RYR2: variants seen among roughly 807,000 people sequenced by gnomAD.
RYR2 encodes the protein ryanodine receptor 2, also known as cardiac muscle ryanodine receptor-calcium release channel.
Under a neutral mutation model 601.1 loss-of-function variants are expected in RYR2, and 227 were observed. That is an observed-to-expected ratio of 0.38 (90% CI 0.34 to 0.42). The LOEUF (loss-of-function observed/expected upper bound fraction) is 0.42. Among genes scored for constraint, RYR2 ranks in the 10% least tolerant of loss-of-function variants. RYR2 has a pLI of 1.00. For missense variants in RYR2, 4,646 were observed against 6,156.5 expected, an observed-to-expected ratio of 0.75 and a Z score of 8.21; for synonymous variants, 2,223 against 2,175.1, an observed-to-expected ratio of 1.02 and a Z score of -0.61.
intron 73 of RYR2, among the ~76,000 whole-genome samples, chr1:237,719,922 T>C (rs1242014757): frequency 3.3e-5 from 5 of 152,190 alleles, no homozygotes; most frequent in Non-Finnish European, 7.3e-5. Context: ...ACTATATCAA[T>C]AGGCTATATC....
At chr1:237,329,600 C>T (rs1572622814) in intron 2 of RYR2, among the ~76,000 whole-genome samples, 2 of 151,446 alleles carry the variant, frequency 1.3e-5, no homozygotes, top group East Asian at 3.9e-4. Flanking sequence ...CGAGATCGCA[C>T]CATCGCACTC....
chr1:237,362,138 G>A (rs1459058317), intron 4 of RYR2, among the ~76,000 whole-genome samples: 1 of 152,130 alleles, frequency 6.6e-6, no homozygotes. Context: ...TGTCAATTCC[G>A]GATTAATCTA....
At chr1:237,366,188 T>C (rs1326159008) in intron 5 of RYR2, among the ~76,000 whole-genome samples, 2 of 152,216 alleles carry the variant, frequency 1.3e-5, no homozygotes, top group African/African-American at 4.8e-5. Context: ...TTCTGCTGGT[T>C]GGTGCTAAAC....
chr1:237,694,069 C>T (rs1199113602), intron 63 of RYR2, among the ~76,000 whole-genome samples: 2 of 151,568 alleles, frequency 1.3e-5, no homozygotes, highest in Admixed American at 1.3e-4. Context: ...CTGAGGCGGG[C>T]GGATCACAAG....
At chr1:237,742,592 C>T (rs1447003053) in intron 80 of RYR2, among the ~76,000 whole-genome samples, 2 of 151,990 alleles carry the variant, frequency 1.3e-5, no homozygotes, top group African/African-American at 4.8e-5. Flanking sequence ...TCCTGAGAAC[C>T]CTCAGAGATG....
intron 56 of RYR2, among the ~76,000 whole-genome samples, chr1:237,663,981 T>A (rs978958936): frequency 5.9e-5 from 9 of 152,132 alleles, no homozygotes; most frequent in Admixed American, 1.3e-4. Flanking sequence ...ACTGGGTGGG[T>A]TTTGACCCCC....
intron 34 of RYR2, among the ~76,000 whole-genome samples, chr1:237,597,980 G>A (rs1676071495): frequency 1.3e-5 from 2 of 152,130 alleles, no homozygotes; most frequent in Non-Finnish European, 2.9e-5. Flanking sequence ...GTGAAGGGAT[G>A]GAAAAAGATT....
At chr1:237,712,842 A>C (rs1280848355) in intron 71 of RYR2, among the ~76,000 whole-genome samples, 1 of 152,238 alleles carries the variant, frequency 6.6e-6, no homozygotes, top group Non-Finnish European at 1.5e-5. Context: ...ATTCCTGCTA[A>C]ATGAGAAATA....
chr1:237,519,090 A>G (rs1296261416), intron 24 of RYR2, among the ~76,000 whole-genome samples: 2 of 152,116 alleles, frequency 1.3e-5, no homozygotes, highest in Admixed American at 6.5e-5. Context: ...ATGTCTATTC[A>G]TTTCCTTTGC....
chr1:237,053,405 AG>A (rs1338013349), intron 1 of RYR2, among the ~76,000 whole-genome samples: 1 of 152,208 alleles, frequency 6.6e-6, no homozygotes, highest in African/African-American at 2.4e-5. Context: ...GTGACAGGGA[AG>A]GGGCCATCAT....
rs114666746 is a variant in RYR2, at chr1:237,699,288, C to T, written c.9128+263C>T. ...AGGGTTGAACTGGTAATGTATCACG[C>T]AGGAAAAATGGTAATCTGACAACTC... On this transcript the variant is annotated intron_variant, in intron 64 of 104. Coordinates refer to ENST00000366574, the MANE Select transcript of RYR2 (RefSeq NM_001035.3). Among the ~76,000 whole-genome samples the T allele has an allele frequency of 0.014, 2,075 of 152,188 alleles. 12 individuals are homozygous for T. Among genetic ancestry groups the T allele is most frequent in the Non-Finnish European group, 0.02 (1,354 of 67,980 alleles).
chr1:237,115,687 C>T (rs1421072737), intron 1 of RYR2, among the ~76,000 whole-genome samples: 1 of 152,168 alleles, frequency 6.6e-6, no homozygotes, highest in Non-Finnish European at 1.5e-5. Context: ...AAAATAGACG[C>T]GTGAAGGTAT....
intron 24 of RYR2, among the ~76,000 whole-genome samples, chr1:237,520,978 C>G (rs2805429): frequency 0.49 from 74,448 of 151,708 alleles, 18,433 homozygotes; most frequent in East Asian, 0.6. Context: ...CAGAGTTTGC[C>G]ATAAGCCGGG....
chr1:237,492,162 G>A (rs1663425829), intron 18 of RYR2, among the ~76,000 whole-genome samples: 1 of 152,098 alleles, frequency 6.6e-6, no homozygotes, highest in Non-Finnish European at 1.5e-5. Flanking sequence ...CTCTCAAGTA[G>A]CTGGGACTAC....
chr1:237,671,538 T>TGC (rs934537795), intron 58 of RYR2, among the ~76,000 whole-genome samples: 1 of 151,046 alleles, frequency 6.6e-6, no homozygotes, highest in Non-Finnish European at 1.5e-5. Flanking sequence ...TGTGTGTGTG[T>TGC]GCGTGTGAGA....
At chr1:237,454,823 T>C (rs1307295853) in intron 15 of RYR2, among the ~76,000 whole-genome samples, 1 of 152,236 alleles carries the variant, frequency 6.6e-6, no homozygotes, top group Non-Finnish European at 1.5e-5. Context: ...ATTTACTGTC[T>C]GCTCAGCCCT....
At chr1:237,107,938 T>C (rs1414472925) in intron 1 of RYR2, among the ~76,000 whole-genome samples, 1 of 152,194 alleles carries the variant, frequency 6.6e-6, no homozygotes, top group Non-Finnish European at 1.5e-5. Context: ...GAAAAGCCTC[T>C]ACTCCTTTGT....
rs139823479 is a variant in RYR2 at position 237,213,992 on chromosome 1, C to T, written c.49-56505C>T. ...CTGGAGTGCAGTGGTGTGATCTCAG[C>T]TCACAACAACCTCTGCCTCCCAGGT... On this transcript the variant is annotated intron_variant, in intron 1 of 104. Transcript: ENST00000366574. Among the ~76,000 whole-genome samples, 766 of 141,774 alleles carry T rather than the reference C, an allele frequency of 5.4e-3. 7 individuals carry two copies. The highest frequency in any genetic ancestry group is 0.019 in the African/African-American group (709 of 38,314). The allele number at this position is 141,774 out of a possible 152,430, so 93.0% of individuals were successfully genotyped here. A position where few individuals can be genotyped will look rare whatever the true frequency, so the allele number is the denominator to read the frequency against.
Position 237,755,562 on chromosome 1 carries a change from A to C in RYR2, c.11146-726A>C, listed in dbSNP as rs553987630. Among the ~76,000 whole-genome samples, 312 of 152,334 alleles carry C rather than the reference A, an allele frequency of 2.0e-3. 1 individual carries two copies. Among genetic ancestry groups the C allele is most frequent in the Non-Finnish European group, 3.7e-3 (254 of 68,030 alleles). The stretch of plus-strand genomic sequence containing the variant: ...GATTGCTCAAGTGAATGGTCATACC[A>C]GTCTTGAACTTGCTGTGCCTTTATA... On this transcript the variant is annotated intron_variant, in intron 80 of 104. Transcript: ENST00000366574.
Sources: allele counts gnomAD v4.1 joint callset (sites outside exome capture counted in the v4.1 genomes callset), GRCh38; gene constraint gnomAD v4.1.1; transcripts MANE v1.5; gene names NCBI Gene and HGNC (gene_info 2026-07-23, HGNC 2026-07-21).